ADAM19: variants seen among roughly 807,000 people sequenced by gnomAD.
ADAM19 encodes the protein disintegrin and metalloproteinase domain-containing protein 19.
Under a neutral mutation model 114.7 loss-of-function variants are expected in ADAM19, and 65 were observed. That is an observed-to-expected ratio of 0.57 (90% CI 0.46 to 0.70). ADAM19 has a LOEUF of 0.70. ADAM19 is among the 30% of genes least tolerant of loss of function. ADAM19 has a pLI of 0.00. For missense variants in ADAM19, 1,063 were observed against 1,204.7 expected (o/e 0.88, Z 1.74); for synonymous variants, 466 against 460.5 (o/e 1.01, Z -0.15).
At chr5:157,518,539 C>T (rs1756162369) in intron 7 of ADAM19, among the ~76,000 whole-genome samples, 1 of 152,216 alleles carries the variant, frequency 6.6e-6, no homozygotes, top group African/African-American at 2.4e-5. Context: ...CATGTGCCAC[C>T]ATGCCCAGCT....
intron 6 of ADAM19, 98 bp from the exon 7 acceptor site, chr5:157,518,986 A>G (rs1048501967): frequency 4.1e-6 from 4 of 979,708 alleles, no homozygotes; most frequent in East Asian, 2.4e-5. Flanking sequence ...AGCAGCAGCT[A>G]CCTCCGTAAT....
rs60755016 is a variant in ADAM19, at chr5:157,503,489, TA to T, written c.1131-510del. ...CACATGTATCCTAGAACTTAAAGTATAAAAAAAAAAAAAAGAATTCTTTCAT... is the reference window on the plus strand; with the variant it reads ...CACATGTATCCTAGAACTTAAAGTATAAAAAAAAAAAAAGAATTCTTTCAT... On this transcript the variant is annotated intron_variant, in intron 11 of 22. Coordinates refer to ENST00000257527, the MANE Select transcript of ADAM19 (RefSeq NM_033274.5). Among the ~76,000 whole-genome samples the T allele has an allele frequency of 6.0e-3, 833 of 138,818 alleles. 4 individuals carry two copies. The highest frequency in any genetic ancestry group is 0.014 in the African/African-American group (535 of 37,216). 91.1% of individuals were successfully genotyped at this position (138,818 alleles called of 152,430 possible). A position where few individuals can be genotyped will look rare whatever the true frequency, so the allele number is the denominator to read the frequency against.
intron 3 of ADAM19, among the ~76,000 whole-genome samples, chr5:157,544,833 T>C (rs1260978853): frequency 6.6e-6 from 1 of 152,120 alleles, no homozygotes; most frequent in African/African-American, 2.4e-5. Context: ...ATAACCACAG[T>C]GTTGATCAGA....
chr5:157,489,221 G>T, intron 19 of ADAM19, 35 bp from the exon 20 acceptor site: 1 of 1,506,714 alleles, frequency 6.6e-7, no homozygotes, highest in South Asian at 1.1e-5. Flanking sequence ...AAAGAAAGGG[G>T]ACGATGTTCA....
chr5:157,495,113 C>T (rs1398662756), intron 14 of ADAM19, among the ~76,000 whole-genome samples: 4 of 151,714 alleles, frequency 2.6e-5, no homozygotes, highest in South Asian at 2.1e-4. Context: ...CTCAGCCTCC[C>T]GAGTAGCTGG....
chr5:157,502,891 A>G lies in ADAM19; in HGVS notation c.1220T>C (p.Met407Thr). ...TCCATACAACATCCTGGTGTCTGGC[A>G]TGTTGGAGAGACACATTCCACCACC... The part of the protein sequence containing the change: ...QSGGGMCLSN[M>T]PDTRMLYGGR... Residue 407 changes from methionine (M) to threonine (T), a missense_variant, in exon 12 of 23, where the codon ATG (methionine) becomes ACG (threonine). Around this residue, in one of 3 missense-constraint regions of ADAM19, gnomAD observed 615 missense variants for 706.3 expected, o/e 0.87. Transcript: ENST00000257527. 1 of 1,614,100 alleles carries G rather than the reference A, an allele frequency of 6.2e-7. No individual in the cohort carries two copies. The highest frequency in any genetic ancestry group is 8.5e-7 in the Non-Finnish European group (1 of 1,180,022).
intron 1 of ADAM19, among the ~76,000 whole-genome samples, chr5:157,574,239 A>G (rs1171104411): frequency 6.6e-6 from 1 of 152,102 alleles, no homozygotes; most frequent in African/African-American, 2.4e-5. Flanking sequence ...ACTTTTCGTT[A>G]TTTCCCAGAT....
At chr5:157,482,399 TTAG>T (rs1161614183) in intron 21 of ADAM19, among the ~76,000 whole-genome samples, 1 of 152,242 alleles carries the variant, frequency 6.6e-6, no homozygotes, top group Non-Finnish European at 1.5e-5. Context: ...CAGAAGCTCT[TTAG>T]TTCAATCAGA....
rs1041207306 is a variant in ADAM19 at position 157,575,441 on chromosome 5, G to T, written c.94+162C>A. ...TCTGCCACCTCCCAGGGCGCAGAAC[G>T]TGGGAACAAAGCCCGGGCTCCCAGG... On this transcript the variant is annotated intron_variant, in intron 1 of 22. Transcript: ENST00000257527. Among the ~76,000 whole-genome samples the T allele has an allele frequency of 7.2e-5, 11 of 152,362 alleles. No homozygotes were observed. The East Asian group carries it at 2.1e-3, about 29-fold the overall frequency.
intron 21 of ADAM19, among the ~76,000 whole-genome samples, chr5:157,482,856 C>T (rs970469908): frequency 5.3e-5 from 8 of 152,188 alleles, no homozygotes; most frequent in Non-Finnish European, 2.9e-5. Flanking sequence ...CACATATACA[C>T]CATGGAATAC....
chr5:157,520,178 C>T (rs111893631), intron 5 of ADAM19, 147 bp from the exon 6 acceptor site: 27 of 706,756 alleles, frequency 3.8e-5, no homozygotes, highest in African/African-American at 2.5e-4. Flanking sequence ...TGTACCCCTT[C>T]GTGAGACTCT....
chr5:157,507,630 G>A (rs932043426), intron 9 of ADAM19, among the ~76,000 whole-genome samples: 2 of 152,180 alleles, frequency 1.3e-5, no homozygotes, highest in Admixed American at 6.5e-5. Context: ...CAGCTGTGGG[G>A]CCGATGATGC....
In ADAM19 at chr5:157,512,876, G is replaced by T. The variant is rs188951302; in HGVS notation, c.738+558C>A. Among the ~76,000 whole-genome samples the T allele has an allele frequency of 8.2e-4, 125 of 152,328 alleles. 1 individual carries two copies. The East Asian group carries it at 0.013, about 15-fold the overall frequency. On this transcript the variant is annotated intron_variant, in intron 8 of 22. Transcript: ENST00000257527. Reference sequence around the variant, plus strand: ...CACTTCTCAACTTTTAAGGCTGTGTGTCTTTCCCACCCTGACCTACCTCAA... The same window carrying T: ...CACTTCTCAACTTTTAAGGCTGTGTTTCTTTCCCACCCTGACCTACCTCAA...
chr5:157,528,686 A>G (rs1756541173), intron 5 of ADAM19, among the ~76,000 whole-genome samples: 1 of 152,212 alleles, frequency 6.6e-6, no homozygotes, highest in East Asian at 1.9e-4. Context: ...TGGGACCTGC[A>G]GTGTGAGAAA....
chr5:157,562,380 G>A (rs945673966), intron 3 of ADAM19, among the ~76,000 whole-genome samples: 3 of 152,202 alleles, frequency 2.0e-5, no homozygotes, highest in Non-Finnish European at 2.9e-5. Context: ...TCTCGGAAAA[G>A]CAGATGCTAG....
At chr5:157,505,192 A>G (rs1337949746) in intron 11 of ADAM19, among the ~76,000 whole-genome samples, 2 of 151,222 alleles carry the variant, frequency 1.3e-5, no homozygotes, top group African/African-American at 4.9e-5. Context: ...CCTCATGGGT[A>G]ATGTGGCCTG....
At chr5:157,486,420 T>A (rs1307316999) in intron 21 of ADAM19, among the ~76,000 whole-genome samples, 1 of 152,138 alleles carries the variant, frequency 6.6e-6, no homozygotes, top group Non-Finnish European at 1.5e-5. Flanking sequence ...GCTTGGGGGC[T>A]GTGTTTTGGG....
chr5:157,490,708 A>G (rs757541814), intron 18 of ADAM19, among the ~76,000 whole-genome samples: 3 of 152,126 alleles, frequency 2.0e-5, no homozygotes, highest in Non-Finnish European at 2.9e-5. Context: ...CCTGACCAAC[A>G]TGGTGAAACC....
Position 157,575,674 on chromosome 5 carries a change from G to A in ADAM19, c.23C>T (p.Ala8Val). MPGGAGA[A>V]RLCLLAFALQ... is the part of the protein sequence containing the mutation. ...GGCAAACGCCAGCAAGCAGAGCCGG[G>A]CGGCGCCTGCGCCCCCTGGCATGGT... The change falls in exon 1 of 23, where the codon GCC becomes GTC. Residue 8 changes from alanine to valine, a missense_variant. Physicochemically the swap from Ala to Val is moderately conservative, Grantham distance 64. Around this residue, in one of 3 missense-constraint regions of ADAM19, gnomAD observed 615 missense variants for 706.3 expected, o/e 0.87. Transcript: ENST00000257527. 4 of 1,353,484 alleles carry A rather than the reference G, an allele frequency of 3.0e-6. No homozygotes were observed. The South Asian group carries it at 5.4e-5, about 18-fold the overall frequency. The allele number at this position is 1,353,484 out of a possible 1,614,324, so 83.8% of individuals were successfully genotyped here. A position where few individuals can be genotyped will look rare whatever the true frequency, so the allele number is the denominator to read the frequency against.
Sources: allele counts gnomAD v4.1 joint callset (sites outside exome capture counted in the v4.1 genomes callset), GRCh38; gene constraint gnomAD v4.1.1; regional missense constraint gnomAD v4.1.1; transcripts MANE v1.5; gene names NCBI Gene and HGNC (gene_info 2026-07-23, HGNC 2026-07-21).